The following FMN2 variants were observed in gnomAD, a reference collection of about 807,000 sequenced individuals.
The protein encoded by FMN2 is formin 2.
In FMN2, 51 loss-of-function variants were observed where a neutral mutation model predicts 142.3. That is an observed-to-expected ratio of 0.36 (90% CI 0.29 to 0.45). The LOEUF is 0.45. Ranked by LOEUF, FMN2 falls within the 20% of genes least tolerant of loss-of-function variation. The pLI is 1.00. For synonymous variants in FMN2, 882 were observed against 869.8 expected (o/e 1.01, Z -0.25); for missense variants, 1,936 against 2,122.8 (o/e 0.91, Z 1.73).
chr1:240,335,067 A>C (rs1000486361), intron 13 of FMN2, among the ~76,000 whole-genome samples: 4 of 152,226 alleles, frequency 2.6e-5, no homozygotes, highest in African/African-American at 9.6e-5. Flanking sequence ...ATCTGTAATC[A>C]AATTCATAGA....
At position 240,092,663 on chromosome 1, in the gene FMN2, G is replaced by A. The variant is rs1320536876; in HGVS notation, c.554G>A (p.Ser185Asn). ...TSSGSDTDIY[S>N]FHSATEQEDL... ...TCGGGCTCGGACACGGACATCTATA[G>A]CTTCCATTCGGCTACGGAGCAAGAG... Residue 185 changes from serine (S) to asparagine (N), a missense_variant, in exon 1 of 18, where the codon AGC becomes AAC. This residue lies in a region of FMN2 where 751 missense variants were observed against 791.8 expected (regional missense o/e 0.95). Coordinates refer to ENST00000319653, the MANE Select transcript of FMN2 (RefSeq NM_020066.5). 1.2e-6 allele frequency: 2 copies of A among 1,614,116 alleles called. No homozygotes were observed. Among genetic ancestry groups the A allele is most frequent in the Non-Finnish European group, 1.7e-6 (2 of 1,180,004 alleles).
chr1:240,367,228 C>T (rs761218896), intron 14 of FMN2, among the ~76,000 whole-genome samples: 4 of 152,072 alleles, frequency 2.6e-5, no homozygotes, highest in Non-Finnish European at 5.9e-5. Flanking sequence ...TTCCTTTTCT[C>T]TGTAATGCCA....
At chr1:240,167,651 TA>T (rs1244149187) in intron 2 of FMN2, among the ~76,000 whole-genome samples, 2 of 152,050 alleles carry the variant, frequency 1.3e-5, no homozygotes, top group African/African-American at 4.8e-5. Context: ...ATGGCTATGT[TA>T]TAGTGCTGTG....
intron 13 of FMN2, among the ~76,000 whole-genome samples, chr1:240,355,285 T>C (rs1672225879): frequency 6.6e-6 from 1 of 152,208 alleles, no homozygotes; most frequent in African/African-American, 2.4e-5. Flanking sequence ...TCTACAATTA[T>C]TGGATGCTAT....
chr1:240,375,162 G>A (rs1673001658), intron 14 of FMN2, among the ~76,000 whole-genome samples: 2 of 152,090 alleles, frequency 1.3e-5, no homozygotes, highest in African/African-American at 2.4e-5. Context: ...GGCATAGTTT[G>A]TGGTGCCCCA....
intron 13 of FMN2, among the ~76,000 whole-genome samples, chr1:240,345,637 C>T (rs563551565): frequency 6.6e-6 from 1 of 152,160 alleles, no homozygotes; most frequent in South Asian, 2.1e-4. Flanking sequence ...CATGCACCAC[C>T]ATGACCGGCT....
intron 15 of FMN2, among the ~76,000 whole-genome samples, chr1:240,434,414 T>G (rs192842308): frequency 1.3e-5 from 2 of 152,194 alleles, no homozygotes; most frequent in East Asian, 3.9e-4. Flanking sequence ...GTTATGCAAG[T>G]TTGAATTCAC....
At chr1:240,362,575 A>G (rs1374538745) in intron 14 of FMN2, among the ~76,000 whole-genome samples, 1 of 152,174 alleles carries the variant, frequency 6.6e-6, no homozygotes, top group African/African-American at 2.4e-5. Context: ...CACACAAAAA[A>G]CATATTATCG....
Position 240,178,015 on chromosome 1 carries a change from G to C in FMN2, c.1877G>C (p.Gly626Ala), listed in dbSNP as rs1664994310. Residue 626 changes from glycine to alanine, a missense_variant, in exon 3 of 18, where the codon GGG becomes GCG. Gly to Ala is a moderately conservative substitution (Grantham distance 60). Around this residue, in one of 8 missense-constraint regions of FMN2, gnomAD observed 478 missense variants for 462.8 expected, o/e 1.03. Transcript: ENST00000319653. ...GQFPRRVPSM[G>A]PPSKPPDEEH... ...TTTCCTAGGCGAGTTCCATCCATGG[G>C]GCCACCATCCAAACCTCCCGATGAG... The C allele has an allele frequency of 6.2e-7, 1 of 1,612,200 alleles. No individual in the cohort carries two copies. Among genetic ancestry groups the C allele is most frequent in the Non-Finnish European group, 8.5e-7 (1 of 1,179,316 alleles).
chr1:240,170,652 T>C (rs1664662690), intron 2 of FMN2: 3 of 1,574,422 alleles, frequency 1.9e-6, no homozygotes, highest in Non-Finnish European at 2.6e-6. Context: ...CTAAAATAGA[T>C]TCTTTAGCAC....
intron 13 of FMN2, among the ~76,000 whole-genome samples, chr1:240,343,174 G>A (rs764015467): frequency 2.6e-5 from 4 of 152,216 alleles, no homozygotes; most frequent in Admixed American, 1.3e-4. Context: ...AAGACTGTGC[G>A]CATATGTGGT....
intron 8 of FMN2, among the ~76,000 whole-genome samples, chr1:240,310,918 T>C (rs1409455867): frequency 6.6e-6 from 1 of 152,148 alleles, no homozygotes; most frequent in African/African-American, 2.4e-5. Flanking sequence ...CTTTCTTTCA[T>C]ATTTAAGAAA....
intron 4 of FMN2, among the ~76,000 whole-genome samples, chr1:240,188,710 A>AGCT (rs1665581377): frequency 6.6e-6 from 1 of 152,176 alleles, no homozygotes; most frequent in Admixed American, 6.5e-5. Context: ...ATTTCCAGGA[A>AGCT]ACTATTTTTT....
intron 8 of FMN2, among the ~76,000 whole-genome samples, chr1:240,296,184 T>TAC: frequency 6.7e-6 from 1 of 148,930 alleles, no homozygotes; most frequent in East Asian, 2.0e-4. Flanking sequence ...TAGCTTTTGT[T>TAC]ATGTAGTACT....
intron 8 of FMN2, among the ~76,000 whole-genome samples, chr1:240,295,533 CT>C (rs376996788): frequency 1.0e-3 from 147 of 147,392 alleles, no homozygotes; most frequent in African/African-American, 3.3e-3. Context: ...CTTTCTGTGT[CT>C]AGCTTATTTC....
At position 240,334,152 on chromosome 1, in the gene FMN2, A is replaced by G; in HGVS notation, c.4688A>G (p.Gln1563Arg). The change falls in exon 13 of 18, where the codon CAG (glutamine) becomes CGG (arginine). Residue 1563 changes from glutamine (Q) to arginine (R), a missense_variant. By Grantham distance (43) the Gln-to-Arg change is conservative (BLOSUM62 1). Coordinates refer to ENST00000319653, the MANE Select transcript of FMN2 (RefSeq NM_020066.5). ...TGCCTCTTTCCACTGCCAGAACCCC[A>G]GGACCTTTTTCAGGCCTCACAGATG... The part of the protein sequence containing the change: ...EQCLFPLPEP[Q>R]DLFQASQMKF... 6.2e-7 allele frequency: 1 copy of G among 1,609,414 alleles called. No individual in the cohort carries two copies. The highest frequency in any genetic ancestry group is 8.5e-7 in the Non-Finnish European group (1 of 1,178,796).
At chr1:240,285,508 G>T (rs533740630) in intron 7 of FMN2, among the ~76,000 whole-genome samples, 23 of 152,050 alleles carry the variant, frequency 1.5e-4, no homozygotes, top group Non-Finnish European at 3.1e-4. Context: ...CACCAAGGCG[G>T]TGAGTGTAGA....
intron 2 of FMN2, among the ~76,000 whole-genome samples, chr1:240,128,508 A>G (rs1208047960): frequency 2.6e-5 from 4 of 152,104 alleles, no homozygotes; most frequent in African/African-American, 4.8e-5. Context: ...GCCTAGCAGG[A>G]TATTTTTGGA....
chr1:240,175,372 A>G (rs1664873746), intron 2 of FMN2, among the ~76,000 whole-genome samples: 1 of 152,186 alleles, frequency 6.6e-6, no homozygotes, highest in Non-Finnish European at 1.5e-5. Context: ...ATCATATAGT[A>G]ATTCTATTTT....
Sources: gnomAD v4.1 joint callset for allele counts (sites outside exome capture counted in the v4.1 genomes callset) on GRCh38, gnomAD v4.1.1 for gene constraint, gnomAD v4.1.1 regional missense constraint, MANE v1.5 for transcripts, NCBI Gene and HGNC (gene_info 2026-07-23, HGNC 2026-07-21) for gene names.